The following CPVL variants were observed in gnomAD, a reference collection of about 807,000 sequenced individuals.
CPVL encodes the protein probable serine carboxypeptidase CPVL.
CPVL carries 51 observed loss-of-function variants against 63.7 expected under a neutral mutation model. The ratio of observed to expected loss-of-function variants is 0.80; its 90% CI spans 0.64 to 1.01. The LOEUF (loss-of-function observed/expected upper bound fraction) is 1.01, where lower values mean the gene tolerates loss of function less well. CPVL is among the 50% of genes least tolerant of loss of function. The pLI, the probability that CPVL is intolerant of heterozygous loss-of-function variation, is 0.00. For missense variants in CPVL, 530 were observed against 573.1 expected (o/e 0.92, Z 0.77); for synonymous variants, 195 against 206.0 (o/e 0.95, Z 0.46).
intron 11 of CPVL, among the ~76,000 whole-genome samples, chr7:29,043,713 G>C (rs193250246): frequency 1.2e-4 from 18 of 152,288 alleles, no homozygotes; most frequent in Admixed American, 5.2e-4. Context: ...TAAGCAAGTA[G>C]ATGGCACAGA....
At chr7:29,004,906 T>C (rs1197714558) in intron 12 of CPVL, among the ~76,000 whole-genome samples, 1 of 150,952 alleles carries the variant, frequency 6.6e-6, no homozygotes, top group Non-Finnish European at 1.5e-5. Context: ...CTTTTCTTTT[T>C]TTTTTTTTGA....
At chr7:29,076,195 G>A (rs1784228308) in intron 7 of CPVL, among the ~76,000 whole-genome samples, 1 of 152,046 alleles carries the variant, frequency 6.6e-6, no homozygotes, top group Non-Finnish European at 1.5e-5. Flanking sequence ...GGTCCCTTAG[G>A]CTTATAACAG....
chr7:29,137,807 A>G (rs1791408709), intron 1 of CPVL, among the ~76,000 whole-genome samples: 1 of 152,100 alleles, frequency 6.6e-6, no homozygotes, highest in Admixed American at 6.6e-5. Flanking sequence ...AAAATTTGTT[A>G]TGCAGCAATA....
chr7:28,998,927 TG>T (rs2128122887), intron 12 of CPVL, among the ~76,000 whole-genome samples: 1 of 152,278 alleles, frequency 6.6e-6, no homozygotes, highest in East Asian at 1.9e-4. Context: ...GGTTCTTGGC[TG>T]GGTGCAGTGG....
At chr7:29,160,776 C>A (rs1408311910) in intron 5 of CPVL, among the ~76,000 whole-genome samples, 1 of 152,138 alleles carries the variant, frequency 6.6e-6, no homozygotes, top group Admixed American at 6.5e-5. Flanking sequence ...CTCTTAATGA[C>A]GTTGATCTAA....
chr7:29,153,217 G>A (rs1287798253), intron 5 of CPVL, among the ~76,000 whole-genome samples: 8 of 152,312 alleles, frequency 5.3e-5, no homozygotes, highest in African/African-American at 1.7e-4. Flanking sequence ...TAGACATATG[G>A]TATGTGGGCC....
chr7:29,175,152 A>C (rs1022411333), intron 5 of CPVL, among the ~76,000 whole-genome samples: 6 of 151,026 alleles, frequency 4.0e-5, no homozygotes, highest in Non-Finnish European at 8.8e-5. Context: ...AAGTCTCATG[A>C]GATGTGATGA....
chr7:29,077,788 A>G (rs1320453508), intron 7 of CPVL, among the ~76,000 whole-genome samples: 2 of 152,182 alleles, frequency 1.3e-5, no homozygotes, highest in African/African-American at 2.4e-5. Context: ...GACAGCTTCA[A>G]TGCCTCACAG....
intron 11 of CPVL, among the ~76,000 whole-genome samples, chr7:29,055,837 G>T (rs1178565525): frequency 6.6e-6 from 1 of 152,080 alleles, no homozygotes; most frequent in Non-Finnish European, 1.5e-5. Context: ...TTTATTAAAG[G>T]CATTACAATT....
intron 11 of CPVL, among the ~76,000 whole-genome samples, chr7:29,037,650 C>T (rs317758): frequency 0.28 from 42,110 of 151,112 alleles, 7,508 homozygotes; most frequent in African/African-American, 0.51. Flanking sequence ...AAGTACACAA[C>T]GGTACAACAA....
At chr7:29,083,220 T>C (rs1784906513) in intron 7 of CPVL, among the ~76,000 whole-genome samples, 2 of 152,268 alleles carry the variant, frequency 1.3e-5, no homozygotes, top group Non-Finnish European at 2.9e-5. Context: ...CATTTTTCTC[T>C]TTCCCTCGCT....
chr7:29,074,096 T>C (rs1784005499), intron 7 of CPVL, among the ~76,000 whole-genome samples: 1 of 152,210 alleles, frequency 6.6e-6, no homozygotes, highest in Non-Finnish European at 1.5e-5. Flanking sequence ...ATGAGGACAC[T>C]GAGGCTCAGA....
At chr7:29,188,623 T>A (rs932920858) in intron 1 of CPVL, among the ~76,000 whole-genome samples, 1 of 152,084 alleles carries the variant, frequency 6.6e-6, no homozygotes, top group African/African-American at 2.4e-5. Flanking sequence ...CAGATTTTCT[T>A]GGGGAGTGAA....
At chr7:29,000,987 A>C (rs185753690) in intron 12 of CPVL, 2 of 152,310 alleles carry the variant, frequency 1.3e-5, no homozygotes, top group East Asian at 3.9e-4. Context: ...CTTAATGTCT[A>C]AGGAGAAGGC....
intron 1 of CPVL, among the ~76,000 whole-genome samples, chr7:29,144,783 G>T (rs1320218762): frequency 6.6e-6 from 1 of 151,954 alleles, no homozygotes; most frequent in East Asian, 1.9e-4. Context: ...TTTGCTTCTT[G>T]TTTTTATTTT....
chr7:29,191,331 A>G (rs1283771169), intron 1 of CPVL, among the ~76,000 whole-genome samples: 2 of 152,242 alleles, frequency 1.3e-5, no homozygotes, highest in Admixed American at 6.5e-5. Flanking sequence ...TAGATGGACT[A>G]GAGAAATCCA....
intron 12 of CPVL, among the ~76,000 whole-genome samples, chr7:29,029,179 A>C (rs1787782471): frequency 6.6e-6 from 1 of 152,184 alleles, no homozygotes; most frequent in Non-Finnish European, 1.5e-5. Flanking sequence ...GATGCAGAGA[A>C]AATGAACTCA....
At chr7:29,071,649 T>C (rs1416589520) in intron 9 of CPVL, 124 bp downstream of exon 9, 7 of 1,040,830 alleles carry the variant, frequency 6.7e-6, no homozygotes, top group Non-Finnish European at 9.8e-6. Context: ...CGATCTCCAA[T>C]GGAATAACAG....
intron 3 of CPVL, among the ~76,000 whole-genome samples, chr7:29,104,562 C>CAA (rs1345016157): frequency 6.6e-6 from 1 of 152,192 alleles, no homozygotes; most frequent in Non-Finnish European, 1.5e-5. Flanking sequence ...CACCCAGCCT[C>CAA]AAAATCTTTT....
Sources: allele counts gnomAD v4.1 joint callset (sites outside exome capture counted in the v4.1 genomes callset), GRCh38; gene constraint gnomAD v4.1.1; transcripts MANE v1.5; gene names NCBI Gene and HGNC (gene_info 2026-07-23, HGNC 2026-07-21).